ABTB3: variants seen among roughly 807,000 people sequenced by gnomAD.
ABTB3 encodes the protein ankyrin repeat and BTB domain containing 3.
chr12:107,603,109 C>T, the ABTB3 span, among the ~76,000 whole-genome samples: 2 of 152,214 alleles, frequency 1.3e-5, no homozygotes, highest in African/African-American at 4.8e-5. Context: ...AAGTCAGGCA[C>T]TCAAGAGGGC....
the ABTB3 span, among the ~76,000 whole-genome samples, chr12:107,544,889 C>A: frequency 6.6e-6 from 1 of 152,202 alleles, no homozygotes; most frequent in Non-Finnish European, 1.5e-5. Context: ...TTGGGAAAGG[C>A]ATCTGCAAAA....
At chr12:107,610,143 C>T in the ABTB3 span, 4 of 1,611,914 alleles carry the variant, frequency 2.5e-6, no homozygotes, top group African/African-American at 1.3e-5. Context: ...CTCCTGTGCC[C>T]CTCTGGGAAG....
chr12:107,614,940 C>T, the ABTB3 span: 17 of 760,354 alleles, frequency 2.2e-5, no homozygotes, highest in Non-Finnish European at 3.5e-5. Context: ...CTTCCCGAGG[C>T]ATCTTCCAGG....
At chr12:107,451,959 C>T in the ABTB3 span, among the ~76,000 whole-genome samples, 3 of 152,168 alleles carry the variant, frequency 2.0e-5, no homozygotes, top group African/African-American at 7.2e-5. Flanking sequence ...TATTATTAAT[C>T]CCATCCTTCA....
the ABTB3 span, among the ~76,000 whole-genome samples, chr12:107,556,407 T>G: frequency 6.6e-6 from 1 of 152,110 alleles, no homozygotes; most frequent in Non-Finnish European, 1.5e-5. Context: ...CTATCTGTCT[T>G]GCTGATGAGG....
chr12:107,583,529 C>T, the ABTB3 span, among the ~76,000 whole-genome samples: 1 of 152,164 alleles, frequency 6.6e-6, no homozygotes, highest in East Asian at 1.9e-4. Context: ...TTTTTCTGCT[C>T]TCTCACCCTA....
chr12:107,510,629 T>G, the ABTB3 span, among the ~76,000 whole-genome samples: 1 of 152,138 alleles, frequency 6.6e-6, no homozygotes, highest in South Asian at 2.1e-4. Flanking sequence ...AAGGTTTCTC[T>G]GATGGCTCGG....
chr12:107,548,813 C>T, the ABTB3 span, among the ~76,000 whole-genome samples: 1 of 152,152 alleles, frequency 6.6e-6, no homozygotes, highest in Non-Finnish European at 1.5e-5. Flanking sequence ...GTTTCTCTCA[C>T]CTGTATCATT....
the ABTB3 span, among the ~76,000 whole-genome samples, chr12:107,537,400 C>T: frequency 6.6e-6 from 1 of 152,066 alleles, no homozygotes; most frequent in Non-Finnish European, 1.5e-5. Flanking sequence ...AGCACAAAGA[C>T]ATGATAAATG....
chr12:107,503,756 C>CA, the ABTB3 span, among the ~76,000 whole-genome samples: 23,637 of 70,594 alleles, frequency 0.33, 4,414 homozygotes, highest in East Asian at 0.65. Context: ...GACCCTATCT[C>CA]AAAAAAAAAA....
At chr12:107,606,279 G>C in the ABTB3 span, among the ~76,000 whole-genome samples, 2 of 152,150 alleles carry the variant, frequency 1.3e-5, no homozygotes, top group African/African-American at 4.8e-5. Flanking sequence ...TACATAGAAA[G>C]AGCTTACATT....
At chr12:107,525,384 AT>A in the ABTB3 span, among the ~76,000 whole-genome samples, 2 of 151,640 alleles carry the variant, frequency 1.3e-5, no homozygotes, top group South Asian at 2.1e-4. Context: ...AAGAGAAAAA[AT>A]ATTACTGCAT....
At chr12:107,578,371 T>G in the ABTB3 span, among the ~76,000 whole-genome samples, 1 of 146,914 alleles carries the variant, frequency 6.8e-6, no homozygotes, top group South Asian at 2.1e-4. Flanking sequence ...CAGAGCCTTT[T>G]TCTTTCTTCT....
the ABTB3 span, among the ~76,000 whole-genome samples, chr12:107,374,130 T>A: frequency 1.3e-5 from 2 of 152,084 alleles, no homozygotes; most frequent in Admixed American, 1.3e-4. Flanking sequence ...AGCCGCAGCC[T>A]CCCCTCCGTC....
At chr12:107,338,638 A>G in the ABTB3 span, among the ~76,000 whole-genome samples, 1 of 152,108 alleles carries the variant, frequency 6.6e-6, no homozygotes, top group Non-Finnish European at 1.5e-5. Flanking sequence ...CAACCCAAGG[A>G]ATACGTTATG....
the ABTB3 span, among the ~76,000 whole-genome samples, chr12:107,350,629 G>A: frequency 2.0e-5 from 3 of 152,104 alleles, no homozygotes; most frequent in Non-Finnish European, 4.4e-5. Flanking sequence ...CTAATAGGAG[G>A]CACACAATTG....
chr12:107,518,447 T>C, the ABTB3 span, among the ~76,000 whole-genome samples: 1 of 152,138 alleles, frequency 6.6e-6, no homozygotes, highest in Non-Finnish European at 1.5e-5. Context: ...GTTCATGTCC[T>C]TTGTAGGGAC....
chr12:107,349,440 T>C, the ABTB3 span, among the ~76,000 whole-genome samples: 1 of 152,220 alleles, frequency 6.6e-6, no homozygotes, highest in Non-Finnish European at 1.5e-5. Context: ...ATCTTCTGAA[T>C]TCGTTCATTC....
the ABTB3 span, among the ~76,000 whole-genome samples, chr12:107,498,638 T>G: frequency 1.3e-5 from 2 of 152,196 alleles, no homozygotes; most frequent in African/African-American, 4.8e-5. Flanking sequence ...GGTCTTGTTC[T>G]CATGGCATCA....
Sources: gnomAD v4.1 joint callset for allele counts (sites outside exome capture counted in the v4.1 genomes callset) on GRCh38, gnomAD v4.1.1 for gene constraint, MANE v1.5 for transcripts, NCBI Gene and HGNC (gene_info 2026-07-23, HGNC 2026-07-21) for gene names.